The following C4orf50 variants were observed in gnomAD, a reference collection of about 807,000 sequenced individuals.
C4orf50 encodes uncharacterized protein C4orf50.
Under a neutral mutation model 77.2 loss-of-function variants are expected in C4orf50, and 80 were observed. That is an observed-to-expected ratio of 1.04 (90% CI 0.87 to 1.25). The LOEUF (loss-of-function observed/expected upper bound fraction) is 1.25, where lower values mean the gene tolerates loss of function less well. Among genes scored for constraint, C4orf50 ranks in the 50% most tolerant of loss-of-function variants. The pLI is 0.00. For missense variants in C4orf50, 1,257 were observed against 1,152.9 expected, an observed-to-expected ratio of 1.09 and a Z score of -1.31; for synonymous variants, 532 against 465.3, an observed-to-expected ratio of 1.14 and a Z score of -1.84.
In C4orf50 at chr4:5,916,421, C is replaced by T. The variant is rs1717030828; in HGVS notation, c.*2475-18233G>A. Among the ~76,000 whole-genome samples, 1 of 152,106 alleles carries T rather than the reference C, an allele frequency of 6.6e-6. No individual in the cohort carries two copies. Among genetic ancestry groups the T allele is most frequent in the South Asian group, 2.1e-4 (1 of 4,810 alleles). On this transcript the variant is annotated intron_variant, in intron 7 of 7. Transcript: ENST00000324058. This position sits in a 1 kb window ranked among gnomAD's most constrained non-coding sequence, Gnocchi z 4.4. ...AGAAGGCTGGGAGCCAGGACCTGCC[C>T]CCAGAGCTCAGACCCCAGGCACTGG...
chr4:6,004,239 T>C (rs1722085644), intron 25 of C4orf50, among the ~76,000 whole-genome samples: 1 of 29,582 alleles, frequency 3.4e-5, no homozygotes, highest in Non-Finnish European at 6.7e-5. Flanking sequence ...ATGGTGATGA[T>C]GATGGTGATG....
intron 24 of C4orf50, among the ~76,000 whole-genome samples, chr4:6,010,289 G>A (rs899907712): frequency 6.6e-6 from 1 of 152,116 alleles, no homozygotes; most frequent in Non-Finnish European, 1.5e-5. Context: ...GAAGTAACTC[G>A]ATTTTCTGCA....
chr4:5,917,482 C>T (rs1400635186), intron 7 of C4orf50, among the ~76,000 whole-genome samples: 1 of 137,202 alleles, frequency 7.3e-6, no homozygotes, highest in Non-Finnish European at 1.5e-5. Flanking sequence ...GGCACGATCT[C>T]GGCTCACTGA....
chr4:5,967,571 A>G (rs1577943557), intron 31 of C4orf50, 109 bp from the exon 10 acceptor site: 1 of 974,730 alleles, frequency 1.0e-6, no homozygotes, highest in Non-Finnish European at 1.6e-6. Flanking sequence ...CCCGCAAAAA[A>G]CCGCTTTCTG....
At chr4:6,003,656 GTGATGA>G (rs71943991) in intron 25 of C4orf50, among the ~76,000 whole-genome samples, 47,929 of 142,870 alleles carry the variant, frequency 0.34, 9,355 homozygotes, top group East Asian at 0.83. Flanking sequence ...AGTGATGATG[GTGATGA>G]TGGTGATGGT....
chr4:5,993,768 G>T (rs1721422367), intron 26 of C4orf50, among the ~76,000 whole-genome samples: 1 of 148,806 alleles, frequency 6.7e-6, no homozygotes, highest in South Asian at 2.1e-4. Context: ...AGTGAGCCGA[G>T]ATCACACAAC....
chr4:5,916,140 C>T lies in C4orf50; in HGVS notation c.*2475-17952G>A, dbSNP rs1374619817. Among the ~76,000 whole-genome samples the T allele has an allele frequency of 6.6e-6, 1 of 152,184 alleles. No individual in the cohort carries two copies. Among genetic ancestry groups the T allele is most frequent in the Non-Finnish European group, 1.5e-5 (1 of 68,030 alleles). On this transcript the variant is annotated intron_variant, in intron 7 of 7. Transcript: ENST00000324058. This position sits in a 1 kb window ranked among gnomAD's most constrained non-coding sequence, Gnocchi z 4.4. ...CAGGGACCCAAGCATTGCCAAGAAG[C>T]CCTACCATTTTCCTGGTTCCTGTGG...
Position 5,998,272 on chromosome 4 carries a change from A to G in C4orf50, c.964-3796T>C, listed in dbSNP as rs115518064. ...TTTTTTAACTAATGGAGCTGTCCAT[A>G]TTTTTTTATTAAGACCACTGGCCAT... On this transcript the variant is annotated intron_variant, in intron 25 of 33. Coordinates refer to ENST00000531445, the Ensembl canonical transcript of C4orf50. Among the ~76,000 whole-genome samples, 1,447 of 152,194 alleles carry G rather than the reference A, an allele frequency of 9.5e-3. 18 individuals carry two copies. The highest frequency in any genetic ancestry group is 0.033 in the African/African-American group (1,370 of 41,506).
chr4:5,956,847 C>T (rs1047457332), downstream of C4orf50: 1 of 152,318 alleles, frequency 6.6e-6, no homozygotes. Context: ...TAGTCATTCC[C>T]TGCCTGTGGG....
chr4:5,962,061 G>A (rs2108764574), intron 33 of C4orf50, among the ~76,000 whole-genome samples: 1 of 152,282 alleles, frequency 6.6e-6, no homozygotes, highest in Non-Finnish European at 1.5e-5. Context: ...CATGACGACT[G>A]GACAGAACCA....
intron 33 of C4orf50, among the ~76,000 whole-genome samples, chr4:5,964,785 AAAAAAT>A (rs1719474023): frequency 7.4e-6 from 1 of 135,932 alleles, no homozygotes; most frequent in African/African-American, 2.7e-5. Context: ...AAAAAAAAAA[AAAAAAT>A]GTCACCAGAC....
intron 7 of C4orf50, among the ~76,000 whole-genome samples, chr4:5,925,137 A>G (rs1717458145): frequency 6.6e-6 from 1 of 152,140 alleles, no homozygotes; most frequent in Non-Finnish European, 1.5e-5. Context: ...AGAGGCCAGC[A>G]GAGGGAGTGG....
rs1258136338 is a variant in C4orf50, at chr4:5,908,558, G to A, written c.*2475-10370C>T. On this transcript the variant is annotated intron_variant, in intron 7 of 7. Coordinates refer to the C4orf50 transcript ENST00000324058. The surrounding 1 kb of genome is among the most constrained non-coding windows in gnomAD (Gnocchi z 5.6). ...TGGCAGAGACTCCAAGCAGGGAGAC[G>A]ACCATGCGATGGGGAGGGGGGAAAG... is the stretch of plus-strand genomic sequence containing the variant. Among the ~76,000 whole-genome samples the A allele has an allele frequency of 1.3e-5, 2 of 152,020 alleles. No individual in the cohort carries two copies. The highest frequency in any genetic ancestry group is 2.9e-5 in the Non-Finnish European group (2 of 68,002).
chr4:5,946,244 G>A (rs1278621683), intron 7 of C4orf50, among the ~76,000 whole-genome samples: 1 of 152,098 alleles, frequency 6.6e-6, no homozygotes, highest in African/African-American at 2.4e-5. Context: ...GAGCTCCCAG[G>A]GTGGGAGGAC....
intron 24 of C4orf50, among the ~76,000 whole-genome samples, chr4:6,010,197 C>T (rs1020083341): frequency 6.6e-6 from 1 of 152,124 alleles, no homozygotes; most frequent in Non-Finnish European, 1.5e-5. Flanking sequence ...ACATCAGTGG[C>T]AGAGGAGTCC....
intron 23 of C4orf50, among the ~76,000 whole-genome samples, chr4:6,014,006 T>TTG (rs1656613657): frequency 9.0e-6 from 1 of 111,070 alleles, no homozygotes; most frequent in South Asian, 3.7e-4. Context: ...AAGTTGTGTG[T>TTG]TTTTTTTTTT....
At chr4:5,915,810 C>T (rs2108733702) in intron 7 of C4orf50, among the ~76,000 whole-genome samples, 1 of 152,340 alleles carries the variant, frequency 6.6e-6, no homozygotes, top group South Asian at 2.1e-4. Context: ...TCTTCCATCA[C>T]AGGAGGTAAG....
At chr4:6,003,529 GTGGTGATGGTGATGGTGACTGTGA>G (rs1337714982) in intron 25 of C4orf50, among the ~76,000 whole-genome samples, 8 of 151,924 alleles carry the variant, frequency 5.3e-5, no homozygotes, top group Non-Finnish European at 1.5e-5. Context: ...TGATGATGTG[GTGGTGATGGTGATGGTGACTGTGA>G]TGGTGATGGT....
At position 5,982,178 on chromosome 4, in the gene C4orf50, C is replaced by A. The variant is rs918031266; in HGVS notation, c.3700-1840G>T. 4.6e-5 allele frequency among the ~76,000 whole-genome samples: 7 copies of A among 152,110 alleles called. No homozygotes were observed. In the South Asian group the frequency reaches 1.5e-3, roughly 32 times the overall value. On this transcript the variant is annotated intron_variant, in intron 28 of 33. Coordinates refer to ENST00000531445, the Ensembl canonical transcript of C4orf50. ...GCTTCAAGACGTCAAAACAACTTGG[C>A]CTTTCTGGGAAGTACATTGCCTCCT...
Sources: gnomAD v4.1 joint callset for allele counts (sites outside exome capture counted in the v4.1 genomes callset) on GRCh38, gnomAD v4.1.1 for gene constraint, Gnocchi (gnomAD v3.1) non-coding constraint, MANE v1.5 for transcripts, NCBI Gene and HGNC (gene_info 2026-07-23, HGNC 2026-07-21) for gene names.